Variants in CPN1 observed in about 807,000 individuals in gnomAD.
CPN1 encodes the protein carboxypeptidase N catalytic chain.
CPN1 carries 37 observed loss-of-function variants against 46.4 expected under a neutral mutation model. The ratio of observed to expected loss-of-function variants is 0.80; its 90% CI spans 0.61 to 1.05. The LOEUF (loss-of-function observed/expected upper bound fraction) is 1.05, where lower values mean the gene tolerates loss of function less well. Ranked by LOEUF, CPN1 falls within the 50% of genes least tolerant of loss-of-function variation. CPN1 has a pLI of 0.00. For synonymous variants in CPN1, 224 were observed against 235.4 expected, an observed-to-expected ratio of 0.95 and a Z score of 0.44; for missense variants, 563 against 602.6, an observed-to-expected ratio of 0.93 and a Z score of 0.69.
At chr10:100,065,563 T>G (rs374134820) in intron 3 of CPN1, among the ~76,000 whole-genome samples, 193 bp from the exon 4 acceptor site, 2 of 152,296 alleles carry the variant, frequency 1.3e-5, no homozygotes. Flanking sequence ...CAATGGCGTG[T>G]ATAGAACTTT....
chr10:100,072,304 A>T (rs1399271880), intron 2 of CPN1, among the ~76,000 whole-genome samples: 1 of 152,006 alleles, frequency 6.6e-6, no homozygotes, highest in African/African-American at 2.4e-5. Context: ...GCCTCCTGGT[A>T]GCTGGTGTTT....
At chr10:100,049,562 C>G (rs183257533) in intron 7 of CPN1, among the ~76,000 whole-genome samples, 2 of 152,076 alleles carry the variant, frequency 1.3e-5, no homozygotes, top group Non-Finnish European at 2.9e-5. Context: ...CGAGCCCGGC[C>G]GTCTTTTCTT....
rs2041548144 is a variant in CPN1 at position 100,081,661 on chromosome 10, C to T, written c.-36G>A. 3 of 1,572,984 alleles carry T rather than the reference C, an allele frequency of 1.9e-6. No homozygotes were observed. Among genetic ancestry groups the T allele is most frequent in the Middle Eastern group, 1.8e-4 (1 of 5,560 alleles). ...TTTTTCAAAGAGAGCCACTGAAACGCGCCCCACCTCCTTAAACAACCTAGC... is the reference window on the plus strand; with the variant it reads ...TTTTTCAAAGAGAGCCACTGAAACGTGCCCCACCTCCTTAAACAACCTAGC... On this transcript the variant is annotated 5_prime_UTR_variant, in exon 1 of 9. Coordinates refer to ENST00000370418, the MANE Select transcript of CPN1 (RefSeq NM_001308.3).
rs1409704692 is a variant in CPN1, at chr10:100,065,353, C to A, written c.594G>T (p.Arg198=). The change falls in exon 4 of 9, where the codon CGG becomes CGT. Residue 198 remains arginine (R), a synonymous_variant. Transcript: ENST00000370418. ...NWKSQVEPET[R]AVIRWMHSFN... The stretch of plus-strand genomic sequence containing the variant: ...AGGAGTGCATCCACCGGATCACCGC[C>A]CGGGTCTCGGGTTCCACCTGGGAGG... The A allele has an allele frequency of 1.2e-6, 2 of 1,614,186 alleles. No homozygotes were observed. Among genetic ancestry groups the A allele is most frequent in the South Asian group, 2.2e-5 (2 of 91,084 alleles).
At chr10:100,061,787 C>G (rs2041420016) in intron 5 of CPN1, among the ~76,000 whole-genome samples, 2 of 152,012 alleles carry the variant, frequency 1.3e-5, no homozygotes, top group Non-Finnish European at 2.9e-5. Flanking sequence ...TTTTGCTTTC[C>G]TAATGCAAAC....
intron 8 of CPN1, among the ~76,000 whole-genome samples, chr10:100,047,069 G>C (rs2041318263): frequency 6.7e-6 from 1 of 149,348 alleles, no homozygotes; most frequent in African/African-American, 2.5e-5. Context: ...GCGAGACTCT[G>C]TCGAAAAAAA....
At chr10:100,053,703 A>C (rs2041368392) in intron 7 of CPN1, among the ~76,000 whole-genome samples, 1 of 151,384 alleles carries the variant, frequency 6.6e-6, no homozygotes, top group Non-Finnish European at 1.5e-5. Context: ...AGCCACTGTT[A>C]TGCATTAAAA....
At chr10:100,048,712 G>T in intron 8 of CPN1, 46 bp downstream of exon 8, 1 of 1,342,068 alleles carries the variant, frequency 7.5e-7, no homozygotes, top group Non-Finnish European at 1.1e-6. Flanking sequence ...AAAAAAGACT[G>T]TATAAGTGAT....
At position 100,081,538 on chromosome 10, in the gene CPN1, C is replaced by G; in HGVS notation, c.88G>C (p.Asp30His). The change falls in exon 1 of 9, where the codon GAT (aspartate) becomes CAT (histidine). Residue 30 changes from aspartate (D) to histidine (H), a missense_variant. Coordinates refer to ENST00000370418, the MANE Select transcript of CPN1 (RefSeq NM_001308.3). ...PVTFRHHRYD[D>H]LVRTLYKVQN... ...ACCTTGTACAGCGTCCGCACAAGAT[C>G]ATCATAGCGGTGGTGGCGAAAGGTC... 6.2e-7 allele frequency: 1 copy of G among 1,614,184 alleles called. No individual in the cohort carries two copies. Among genetic ancestry groups the G allele is most frequent in the East Asian group, 2.2e-5 (1 of 44,874 alleles).
rs769124925 is a variant in CPN1 at position 100,048,723 on chromosome 10, C to G, written c.1230+35G>C. On this transcript the variant is annotated intron_variant, in intron 8 of 8. Coordinates refer to ENST00000370418, the MANE Select transcript of CPN1 (RefSeq NM_001308.3). ...TCCAAAAAAAGACTGTATAAGTGAT[C>G]TCTACAGTGCACCGTCAAGCTCAGC... 6 of 1,406,056 alleles carry G rather than the reference C, an allele frequency of 4.3e-6. No homozygotes were observed. In the East Asian group the frequency reaches 1.2e-4, roughly 27 times the overall value. The allele number at this position is 1,406,056 out of a possible 1,614,324, so 87.1% of individuals were successfully genotyped here. A position where few individuals can be genotyped will look rare whatever the true frequency, so the allele number is the denominator to read the frequency against.
intron 2 of CPN1, among the ~76,000 whole-genome samples, chr10:100,070,199 A>T (rs975842976): frequency 1.3e-5 from 2 of 151,800 alleles, no homozygotes; most frequent in African/African-American, 4.8e-5. Context: ...AAGTGCTGAG[A>T]GGCCAGGTGC....
intron 2 of CPN1, among the ~76,000 whole-genome samples, chr10:100,071,044 T>C (rs2041481381): frequency 6.6e-6 from 1 of 152,190 alleles, no homozygotes; most frequent in Non-Finnish European, 1.5e-5. Context: ...TATCTGTTCT[T>C]TTGTGGGTTT....
intron 8 of CPN1, among the ~76,000 whole-genome samples, chr10:100,045,681 G>GT (rs1250467767): frequency 2.0e-5 from 3 of 152,150 alleles, no homozygotes; most frequent in African/African-American, 7.2e-5. Context: ...TATTACACAA[G>GT]TTTCTTTTAT....
At chr10:100,065,061 C>T (rs919633813) in intron 4 of CPN1, 127 bp downstream of exon 4, 5 of 1,162,408 alleles carry the variant, frequency 4.3e-6, no homozygotes, top group African/African-American at 3.1e-5. Flanking sequence ...GTAAGCTCCT[C>T]ACAAACAAGC....
chr10:100,061,453 A>C (rs1395749190), intron 5 of CPN1, among the ~76,000 whole-genome samples: 1 of 152,266 alleles, frequency 6.6e-6, no homozygotes, highest in African/African-American at 2.4e-5. Context: ...TTCTGGCTAA[A>C]TACAGCTTGC....
At chr10:100,056,863 T>C in intron 6 of CPN1, 150 bp downstream of exon 6, 1 of 973,972 alleles carries the variant, frequency 1.0e-6, no homozygotes, top group East Asian at 2.4e-5. Context: ...CTCAATAATG[T>C]TGAATGAATA....
At chr10:100,068,046 G>A (rs1260127553) in intron 3 of CPN1, among the ~76,000 whole-genome samples, 1 of 151,284 alleles carries the variant, frequency 6.6e-6, no homozygotes, top group Non-Finnish European at 1.5e-5. Flanking sequence ...CAGCTACTCA[G>A]GAGACTGAGG....
At chr10:100,057,899 G>A (rs2041394458) in intron 5 of CPN1, among the ~76,000 whole-genome samples, 2 of 152,160 alleles carry the variant, frequency 1.3e-5, no homozygotes, top group Non-Finnish European at 2.9e-5. Context: ...TAGCTTTACA[G>A]TGAACTCTGG....
chr10:100,080,541 T>C (rs781087717), intron 1 of CPN1, among the ~76,000 whole-genome samples: 17 of 152,208 alleles, frequency 1.1e-4, no homozygotes, highest in Non-Finnish European at 1.9e-4. Context: ...TTTTTTTCCT[T>C]ATCTAATCTC....
Sources: gnomAD v4.1 joint callset for allele counts (sites outside exome capture counted in the v4.1 genomes callset) on GRCh38, gnomAD v4.1.1 for gene constraint, MANE v1.5 for transcripts, NCBI Gene and HGNC (gene_info 2026-07-23, HGNC 2026-07-21) for gene names.